IFNG-AS1: variants seen among roughly 807,000 people sequenced by gnomAD.
IFNG-AS1 encodes the protein IFNG regulatory antisense RNA 1.
chr12:68,014,240 G>T (rs1880096381), intron 3 of IFNG-AS1, among the ~76,000 whole-genome samples: 1 of 152,204 alleles, frequency 6.6e-6, no homozygotes, highest in Non-Finnish European at 1.5e-5. Flanking sequence ...AAGTTGTGCT[G>T]CTATAAACGT....
At chr12:68,021,301 A>G (rs974768917) in intron 4 of IFNG-AS1, 1 of 152,212 alleles carries the variant, frequency 6.6e-6, no homozygotes, top group Non-Finnish European at 1.5e-5. Flanking sequence ...ATAAAACAAC[A>G]ACAGTAATAA....
intron 1 of IFNG-AS1, among the ~76,000 whole-genome samples, chr12:67,990,299 A>G (rs1879474492): frequency 6.6e-6 from 1 of 152,354 alleles, no homozygotes; most frequent in East Asian, 1.9e-4. Flanking sequence ...ACTAAAAACA[A>G]TATCTACAAA....
chr12:68,002,539 T>C (rs192503505), intron 2 of IFNG-AS1, among the ~76,000 whole-genome samples: 1 of 152,332 alleles, frequency 6.6e-6, no homozygotes, highest in African/African-American at 2.4e-5. Flanking sequence ...GGATTACTTA[T>C]TTTAATGATT....
intron 3 of IFNG-AS1, among the ~76,000 whole-genome samples, chr12:68,007,162 T>G (rs1198746861): frequency 1.3e-5 from 2 of 152,220 alleles, no homozygotes. Context: ...CATGTTCCCC[T>G]GTGCTTCCAT....
intron 3 of IFNG-AS1, among the ~76,000 whole-genome samples, chr12:68,018,885 G>T (rs1381137067): frequency 1.3e-5 from 2 of 151,954 alleles, no homozygotes; most frequent in African/African-American, 4.8e-5. Context: ...AATGTTACAA[G>T]CACAGTGACC....
At chr12:68,006,085 T>A (rs897825127) in intron 2 of IFNG-AS1, 3 of 152,228 alleles carry the variant, frequency 2.0e-5, no homozygotes, top group Non-Finnish European at 4.4e-5. Context: ...CTTTCCACTT[T>A]TTAGCGTAAA....
At position 68,002,471 on chromosome 12, in the gene IFNG-AS1, C is replaced by T. The variant is rs78642360; in HGVS notation, n.185-3619C>T. Among the ~76,000 whole-genome samples, 25 of 152,340 alleles carry T rather than the reference C, an allele frequency of 1.6e-4. 1 individual carries two copies. In the East Asian group the frequency reaches 4.8e-3, roughly 29 times the overall value. On this transcript the variant is annotated intron_variant and non_coding_transcript_variant, in intron 2 of 5. Coordinates refer to ENST00000536914, the Ensembl canonical transcript of IFNG-AS1. ...TTTTACATTTCTATGTTCTTCCCCA[C>T]GTAAGCCCCTTACCCTTTTAAAAAT...
At chr12:68,021,150 C>A (rs532805925) in intron 4 of IFNG-AS1, 4 of 152,206 alleles carry the variant, frequency 2.6e-5, no homozygotes, top group East Asian at 3.9e-4. Context: ...CAAATATGGT[C>A]TTTTAACTAC....
At chr12:68,015,943 C>CG (rs55658866) in intron 3 of IFNG-AS1, among the ~76,000 whole-genome samples, 10 of 150,684 alleles carry the variant, frequency 6.6e-5, no homozygotes, top group African/African-American at 9.8e-5. Flanking sequence ...AAACTAGAGA[C>CG]GGGGGGGGGA....
chr12:68,010,370 TC>T (rs1240454962), intron 3 of IFNG-AS1, among the ~76,000 whole-genome samples: 1 of 152,210 alleles, frequency 6.6e-6, no homozygotes, highest in East Asian at 1.9e-4. Flanking sequence ...TTTCTGGTCT[TC>T]AGACGCCAGT....
At chr12:68,002,116 A>T (rs1307831029) in intron 2 of IFNG-AS1, among the ~76,000 whole-genome samples, 1 of 152,246 alleles carries the variant, frequency 6.6e-6, no homozygotes, top group Non-Finnish European at 1.5e-5. Context: ...TGCAATCTTT[A>T]TCTAGCAAAA....
chr12:68,013,072 C>T (rs1043093684), intron 3 of IFNG-AS1, among the ~76,000 whole-genome samples: 6 of 152,186 alleles, frequency 3.9e-5, no homozygotes, highest in Non-Finnish European at 7.3e-5. Context: ...CATCTTAGCT[C>T]ACTGCAATAC....
chr12:68,001,568 C>T (rs1343804624), intron 2 of IFNG-AS1: 5 of 179,886 alleles, frequency 2.8e-5, no homozygotes, highest in South Asian at 1.2e-4. Context: ...TGGAGTCAAC[C>T]GCATACACCA....
At chr12:68,002,286 A>G (rs1879787772) in intron 2 of IFNG-AS1, among the ~76,000 whole-genome samples, 1 of 152,228 alleles carries the variant, frequency 6.6e-6, no homozygotes, top group Non-Finnish European at 1.5e-5. Context: ...ACACACGTGC[A>G]TAGCACACAC....
At chr12:68,019,522 A>C (rs963627107) in intron 3 of IFNG-AS1, among the ~76,000 whole-genome samples, 1 of 152,108 alleles carries the variant, frequency 6.6e-6, no homozygotes, top group Non-Finnish European at 1.5e-5. Flanking sequence ...TCAGAATCTG[A>C]GTTTCCTTCC....
At chr12:68,019,646 C>G (rs1880239960) in intron 3 of IFNG-AS1, among the ~76,000 whole-genome samples, 1 of 152,166 alleles carries the variant, frequency 6.6e-6, no homozygotes, top group Non-Finnish European at 1.5e-5. Context: ...CTAATGTCAA[C>G]TTGTACACTC....
chr12:67,994,727 G>C (rs749388552), intron 1 of IFNG-AS1, among the ~76,000 whole-genome samples: 2 of 152,176 alleles, frequency 1.3e-5, no homozygotes, highest in Non-Finnish European at 2.9e-5. Context: ...TGTACGTGAA[G>C]CACACAAACA....
At position 68,005,094 on chromosome 12, in the gene IFNG-AS1, G is replaced by A. The variant is rs138446590; in HGVS notation, n.185-996G>A. On this transcript the variant is annotated intron_variant and non_coding_transcript_variant, in intron 2 of 5. Coordinates refer to ENST00000536914, the Ensembl canonical transcript of IFNG-AS1. ...ATCTAGTTCACCCACAAAGCAAGATGTATCTGGAGAAATTCCAAAAATATT... is the reference window on the plus strand; with the variant it reads ...ATCTAGTTCACCCACAAAGCAAGATATATCTGGAGAAATTCCAAAAATATT... 5.3e-5 allele frequency among the ~76,000 whole-genome samples: 8 copies of A among 152,294 alleles called. No homozygotes were observed. In the East Asian group the frequency reaches 1.2e-3, roughly 22 times the overall value.
intron 2 of IFNG-AS1, among the ~76,000 whole-genome samples, chr12:68,002,891 C>T (rs925036150): frequency 7.2e-5 from 11 of 152,270 alleles, no homozygotes; most frequent in East Asian, 1.9e-4. Flanking sequence ...TCATGTGCTG[C>T]GTTCAAGTCT....
Sources: allele counts gnomAD v4.1 joint callset (sites outside exome capture counted in the v4.1 genomes callset), GRCh38; gene constraint gnomAD v4.1.1; transcripts MANE v1.5; gene names NCBI Gene and HGNC (gene_info 2026-07-23, HGNC 2026-07-21).